Variants in LRRC4C observed in about 807,000 individuals in gnomAD.
The protein encoded by LRRC4C is leucine-rich repeat-containing protein 4C.
In LRRC4C, 5 loss-of-function variants were observed where a neutral mutation model predicts 33.6. The observed-to-expected ratio is 0.15, with a 90% CI of 0.08 to 0.31. LRRC4C has a LOEUF of 0.31. Ranked by LOEUF, LRRC4C falls within the 10% of genes least tolerant of loss-of-function variation. LRRC4C has a pLI of 1.00. For missense variants in LRRC4C, 560 were observed against 796.7 expected (o/e 0.70, Z 3.58); for synonymous variants, 329 against 302.0 (o/e 1.09, Z -0.93).
At chr11:40,359,636 C>T (rs1395477489) in intron 3 of LRRC4C, among the ~76,000 whole-genome samples, 1 of 152,126 alleles carries the variant, frequency 6.6e-6, no homozygotes, top group African/African-American at 2.4e-5. Context: ...TTAGGCATAG[C>T]TGTATGAGAA....
chr11:40,447,551 T>A (rs1248519573), intron 3 of LRRC4C, among the ~76,000 whole-genome samples: 1 of 152,082 alleles, frequency 6.6e-6, no homozygotes, highest in African/African-American at 2.4e-5. Flanking sequence ...ATTAAGACAA[T>A]AAAAAATAAT....
At chr11:40,593,009 GC>G (rs146870113) in intron 3 of LRRC4C, among the ~76,000 whole-genome samples, 2,558 of 152,270 alleles carry the variant, frequency 0.017, 87 homozygotes, top group African/African-American at 0.058. Flanking sequence ...TTTCTGATGT[GC>G]TTTTGAAGAG....
chr11:41,026,915 A>T (rs1259936649), intron 1 of LRRC4C, among the ~76,000 whole-genome samples: 1 of 151,692 alleles, frequency 6.6e-6, no homozygotes, highest in African/African-American at 2.4e-5. Flanking sequence ...GAAACCAAAA[A>T]TTTCTTTTGC....
At chr11:40,852,251 G>T (rs1387704315) in intron 2 of LRRC4C, among the ~76,000 whole-genome samples, 1 of 151,958 alleles carries the variant, frequency 6.6e-6, no homozygotes, top group Non-Finnish European at 1.5e-5. Context: ...GGACCCTGGT[G>T]AGTTGAAATT....
rs1014438543 is a variant in LRRC4C at position 41,094,601 on chromosome 11, T to G, written c.-495-160878A>C. Among the ~76,000 whole-genome samples, 6 of 152,210 alleles carry G rather than the reference T, an allele frequency of 3.9e-5. No individual in the cohort carries two copies. In the East Asian group the frequency reaches 1.2e-3, roughly 29 times the overall value. ...TAATGATCCTGTGTGAATAGCTATC[T>G]ATTAACCCCATATAATATTTTATGT... On this transcript the variant is annotated intron_variant, in intron 1 of 6. Transcript: ENST00000528697.
At chr11:41,347,756 G>C (rs920983981) in intron 1 of LRRC4C, among the ~76,000 whole-genome samples, 14 of 152,174 alleles carry the variant, frequency 9.2e-5, no homozygotes, top group African/African-American at 2.9e-4. Context: ...AGCAGTGAGA[G>C]TTTATCTCCT....
Position 41,219,344 on chromosome 11 carries a change from A to G in LRRC4C, c.-496+240087T>C, listed in dbSNP as rs550755570. ...GCATCTGCACAGTCAGTATTTTCAAATTATCTAAAGAAAGTCAGAGAGCGG... is the reference window on the plus strand; with the variant it reads ...GCATCTGCACAGTCAGTATTTTCAAGTTATCTAAAGAAAGTCAGAGAGCGG... On this transcript the variant is annotated intron_variant, in intron 1 of 6. Transcript: ENST00000528697. Among the ~76,000 whole-genome samples, 2 of 152,328 alleles carry G rather than the reference A, an allele frequency of 1.3e-5. 1 individual carries two copies. The highest frequency in any genetic ancestry group is 4.1e-4 in the South Asian group (2 of 4,828).
At chr11:40,697,233 C>A (rs915386799) in intron 2 of LRRC4C, among the ~76,000 whole-genome samples, 1 of 152,066 alleles carries the variant, frequency 6.6e-6, no homozygotes, top group Non-Finnish European at 1.5e-5. Context: ...TTTGAAAGCA[C>A]TGAGATGAGT....
chr11:40,180,717 T>C (rs1215608675), intron 5 of LRRC4C, among the ~76,000 whole-genome samples: 1 of 152,224 alleles, frequency 6.6e-6, no homozygotes, highest in Non-Finnish European at 1.5e-5. Context: ...CAGTGGTTTT[T>C]CCTACAGAAT....
chr11:41,088,499 C>G (rs1217031394), intron 1 of LRRC4C, among the ~76,000 whole-genome samples: 1 of 152,020 alleles, frequency 6.6e-6, no homozygotes, highest in Admixed American at 6.6e-5. Context: ...ATTATACAAA[C>G]CAATGTCCTT....
intron 2 of LRRC4C, among the ~76,000 whole-genome samples, chr11:40,915,703 T>A (rs1189701790): frequency 6.6e-6 from 1 of 151,980 alleles, no homozygotes; most frequent in Non-Finnish European, 1.5e-5. Context: ...AATGGGATCT[T>A]GTTAAACTAA....
chr11:40,453,682 A>G lies in LRRC4C; in HGVS notation c.-269-133961T>C, dbSNP rs185980112. The stretch of plus-strand genomic sequence containing the variant: ...AAGATATAAAAATTATCAGCAAAAT[A>G]CTAGCAAACCAAATCCAGGAATATA... On this transcript the variant is annotated intron_variant, in intron 3 of 6. Coordinates refer to ENST00000528697, the MANE Select transcript of LRRC4C (RefSeq NM_001258419.2). Among the ~76,000 whole-genome samples the G allele has an allele frequency of 2.8e-4, 43 of 152,178 alleles. No individual in the cohort carries two copies. In the East Asian group the frequency reaches 5.6e-3, roughly 20 times the overall value.
intron 5 of LRRC4C, among the ~76,000 whole-genome samples, chr11:40,189,833 TTGAGCAA>T (rs764886137): frequency 2.0e-5 from 3 of 152,202 alleles, no homozygotes; most frequent in Non-Finnish European, 4.4e-5. Context: ...AAGGATAACA[TTGAGCAA>T]TGTAGGTTAA....
chr11:40,745,846 C>G (rs547926411), intron 2 of LRRC4C, among the ~76,000 whole-genome samples: 1 of 151,956 alleles, frequency 6.6e-6, no homozygotes, highest in Non-Finnish European at 1.5e-5. Context: ...ATGAATCTGG[C>G]GTTATGAATC....
chr11:40,315,958 C>T (rs1289380489), intron 4 of LRRC4C, among the ~76,000 whole-genome samples: 2 of 151,956 alleles, frequency 1.3e-5, no homozygotes, highest in Non-Finnish European at 1.5e-5. Context: ...TTATGGTGTA[C>T]AGATTTGTTA....
chr11:40,516,438 T>C (rs1955562693), intron 3 of LRRC4C, among the ~76,000 whole-genome samples: 30 of 152,118 alleles, frequency 2.0e-4, no homozygotes, highest in Admixed American at 2.0e-3. Context: ...AAATACAGAA[T>C]TTTAAGCAGG....
intron 1 of LRRC4C, among the ~76,000 whole-genome samples, chr11:41,305,982 G>A (rs1003555736): frequency 4.6e-4 from 69 of 148,808 alleles, no homozygotes; most frequent in African/African-American, 1.6e-3. Context: ...TCCTCCGTAT[G>A]CTGAACGCTG....
intron 2 of LRRC4C, among the ~76,000 whole-genome samples, chr11:40,906,206 G>T (rs770132017): frequency 6.6e-6 from 1 of 152,092 alleles, no homozygotes; most frequent in Admixed American, 6.6e-5. Context: ...CAATGCCATC[G>T]CACACTTAAA....
intron 1 of LRRC4C, among the ~76,000 whole-genome samples, chr11:41,368,851 C>A (rs1235418333): frequency 2.0e-5 from 3 of 152,222 alleles, no homozygotes; most frequent in Admixed American, 2.0e-4. Flanking sequence ...ATACTTTTTT[C>A]CCCGCATCCT....
Sources: allele counts gnomAD v4.1 joint callset (sites outside exome capture counted in the v4.1 genomes callset), GRCh38; gene constraint gnomAD v4.1.1; transcripts MANE v1.5; gene names NCBI Gene and HGNC (gene_info 2026-07-23, HGNC 2026-07-21).